Variants in ARHGEF3 observed in about 807,000 individuals in gnomAD.
The protein encoded by ARHGEF3 is Rho guanine nucleotide exchange factor 3, also known as 59.8 kDA protein.
In ARHGEF3, 28 loss-of-function variants were observed where a neutral mutation model predicts 63.2. The ratio of observed to expected loss-of-function variants is 0.44; its 90% CI spans 0.33 to 0.61. The LOEUF (loss-of-function observed/expected upper bound fraction) is 0.61, where lower values mean the gene tolerates loss of function less well. ARHGEF3 is among the 20% of genes least tolerant of loss of function. The probability of loss-of-function intolerance (pLI) is 0.03; values close to 1 mark genes in which losing one functional copy is unlikely to be tolerated. For missense variants in ARHGEF3, 533 were observed against 659.3 expected (o/e 0.81, Z 2.10); for synonymous variants, 266 against 254.2 (o/e 1.05, Z -0.44).
At chr3:56,871,258 G>GA (rs1434252553) in intron 4 of ARHGEF3, among the ~76,000 whole-genome samples, 1 of 151,946 alleles carries the variant, frequency 6.6e-6, no homozygotes, top group Non-Finnish European at 1.5e-5. Flanking sequence ...GACAGTAAAT[G>GA]AAAGATATGA....
At chr3:56,770,153 C>T (rs1385811177) in intron 2 of ARHGEF3, among the ~76,000 whole-genome samples, 4 of 152,334 alleles carry the variant, frequency 2.6e-5, no homozygotes, top group Non-Finnish European at 5.9e-5. Context: ...TGGCTCATGT[C>T]TGTAATCCCA....
intron 2 of ARHGEF3, among the ~76,000 whole-genome samples, chr3:57,029,571 C>T (rs1703642286): frequency 6.6e-6 from 1 of 152,170 alleles, no homozygotes; most frequent in Non-Finnish European, 1.5e-5. Flanking sequence ...CTTAAGAGAC[C>T]TCTGCATGCA....
At chr3:56,935,412 CAG>C (rs2042534755) in intron 3 of ARHGEF3, among the ~76,000 whole-genome samples, 1 of 152,132 alleles carries the variant, frequency 6.6e-6, no homozygotes, top group African/African-American at 2.4e-5. Context: ...CCCTAGCCAG[CAG>C]CGGCAACCCG....
intron 4 of ARHGEF3, among the ~76,000 whole-genome samples, chr3:56,873,805 A>C (rs2040505978): frequency 6.6e-6 from 1 of 152,100 alleles, no homozygotes; most frequent in African/African-American, 2.4e-5. Context: ...AATGATGTTC[A>C]CTCTCTAACC....
At chr3:56,916,627 C>T (rs1477441016) in intron 3 of ARHGEF3, among the ~76,000 whole-genome samples, 2 of 152,220 alleles carry the variant, frequency 1.3e-5, no homozygotes, top group Non-Finnish European at 2.9e-5. Context: ...TGACAATCCC[C>T]AGCCTGTAAG....
intron 1 of ARHGEF3, among the ~76,000 whole-genome samples, chr3:57,046,405 C>A (rs1288549225): frequency 6.6e-6 from 1 of 152,156 alleles, no homozygotes; most frequent in East Asian, 1.9e-4. Context: ...CAGCCCAACT[C>A]CCCTACAAAA....
chr3:56,802,616 A>C (rs1268596537), upstream of ARHGEF3, among the ~76,000 whole-genome samples: 2 of 152,126 alleles, frequency 1.3e-5, no homozygotes, highest in Non-Finnish European at 2.9e-5. Flanking sequence ...ACTTTGCACC[A>C]ACTTTTAAAT....
chr3:57,073,866 G>A, intron 1 of ARHGEF3: 4 of 1,614,198 alleles, frequency 2.5e-6, no homozygotes, highest in Non-Finnish European at 3.4e-6. Context: ...CCAGGGTCCA[G>A]GTGTCCTGCC....
At chr3:56,983,129 T>C (rs1419969802) in intron 2 of ARHGEF3, among the ~76,000 whole-genome samples, 1 of 152,204 alleles carries the variant, frequency 6.6e-6, no homozygotes, top group Non-Finnish European at 1.5e-5. Flanking sequence ...TGGTATATTT[T>C]ATATGACCCC....
chr3:56,766,725 A>C (rs1231779415), intron 2 of ARHGEF3, among the ~76,000 whole-genome samples: 1 of 151,890 alleles, frequency 6.6e-6, no homozygotes, highest in African/African-American at 2.4e-5. Flanking sequence ...AAATGTAAGA[A>C]GTCTAGATTT....
At chr3:57,072,413 T>C (rs1235026599) in intron 1 of ARHGEF3, among the ~76,000 whole-genome samples, 1 of 151,104 alleles carries the variant, frequency 6.6e-6, no homozygotes, top group Non-Finnish European at 1.5e-5. Context: ...AAACATTAGT[T>C]GTTAGCACTG....
intron 1 of ARHGEF3, among the ~76,000 whole-genome samples, chr3:57,038,637 G>A (rs564661915): frequency 3.5e-4 from 54 of 152,242 alleles, no homozygotes; most frequent in African/African-American, 1.3e-3. Flanking sequence ...TAGAGATGGG[G>A]TCTTGCTATG....
chr3:57,042,696 A>ATTTT (rs1560156436), intron 1 of ARHGEF3, among the ~76,000 whole-genome samples: 5 of 33,542 alleles, frequency 1.5e-4, no homozygotes, highest in African/African-American at 3.1e-4. Flanking sequence ...ATATATATAT[A>ATTTT]TATATTTTTT....
intron 2 of ARHGEF3, among the ~76,000 whole-genome samples, chr3:57,034,410 C>T (rs1234524097): frequency 6.6e-6 from 1 of 151,970 alleles, no homozygotes; most frequent in Non-Finnish European, 1.5e-5. Context: ...TGGCCACTCA[C>T]AAATGCTGGC....
chr3:56,968,163 T>TTG (rs1553794280), intron 2 of ARHGEF3, among the ~76,000 whole-genome samples: 7 of 28,820 alleles, frequency 2.4e-4, no homozygotes, highest in Non-Finnish European at 3.7e-4. Context: ...AAAATATATA[T>TTG]TATATAATAT....
At chr3:56,862,790 A>G (rs1317876289) in intron 4 of ARHGEF3, among the ~76,000 whole-genome samples, 1 of 152,162 alleles carries the variant, frequency 6.6e-6, no homozygotes, top group Middle Eastern at 3.2e-3. Flanking sequence ...TTCCCAACTT[A>G]TAGGACGCAA....
intron 4 of ARHGEF3, among the ~76,000 whole-genome samples, chr3:56,862,584 A>C (rs2040113698): frequency 6.6e-6 from 1 of 152,152 alleles, no homozygotes; most frequent in Admixed American, 6.6e-5. Context: ...GCATTCCCTT[A>C]AAGTCTCACA....
chr3:56,750,144 G>A (rs796692354), intron 6 of ARHGEF3, among the ~76,000 whole-genome samples: 1 of 152,170 alleles, frequency 6.6e-6, no homozygotes, highest in Non-Finnish European at 1.5e-5. Flanking sequence ...CCTGGAATAA[G>A]TCAGCAAAGT....
At chr3:56,959,441 T>C (rs2106749534) in intron 2 of ARHGEF3, among the ~76,000 whole-genome samples, 1 of 152,298 alleles carries the variant, frequency 6.6e-6, no homozygotes, top group East Asian at 1.9e-4. Flanking sequence ...TGGAGGCAGC[T>C]TCAAGACAGA....
Sources: gnomAD v4.1 joint callset for allele counts (sites outside exome capture counted in the v4.1 genomes callset) on GRCh38, gnomAD v4.1.1 for gene constraint, MANE v1.5 for transcripts, NCBI Gene and HGNC (gene_info 2026-07-23, HGNC 2026-07-21) for gene names.